The following PHF21B variants were observed in gnomAD, a reference collection of about 807,000 sequenced individuals.
PHF21B encodes the protein PHD finger protein 21B.
A neutral mutation model predicts 62.2 loss-of-function variants in PHF21B; 22 were observed. The observed-to-expected ratio is 0.35, with a 90% CI of 0.25 to 0.51. The LOEUF (loss-of-function observed/expected upper bound fraction) is 0.51, where lower values mean the gene tolerates loss of function less well. Among genes scored for constraint, PHF21B ranks in the 20% least tolerant of loss-of-function variants. The probability of loss-of-function intolerance (pLI) is 0.97; values close to 1 mark genes in which losing one functional copy is unlikely to be tolerated. For synonymous variants in PHF21B, 341 were observed against 314.7 expected (o/e 1.08, Z -0.88); for missense variants, 701 against 707.9 (o/e 0.99, Z 0.11).
At chr22:44,942,260 C>T (rs987453879) in intron 2 of PHF21B, among the ~76,000 whole-genome samples, 1 of 152,142 alleles carries the variant, frequency 6.6e-6, no homozygotes. Flanking sequence ...TCCAGGCCAC[C>T]GGGACAGTGT....
At chr22:44,934,465 T>C (rs774959926) in intron 2 of PHF21B, among the ~76,000 whole-genome samples, 9 of 152,034 alleles carry the variant, frequency 5.9e-5, no homozygotes, top group Non-Finnish European at 1.3e-4. Flanking sequence ...GACAACATCG[T>C]CCCAGGCAGA....
At chr22:44,883,470 G>C (rs1288566557) in intron 12 of PHF21B, among the ~76,000 whole-genome samples, 166 bp from the exon 13 acceptor site, 1 of 152,184 alleles carries the variant, frequency 6.6e-6, no homozygotes, top group Non-Finnish European at 1.5e-5. Flanking sequence ...TTAAAGAGCA[G>C]CCAGACCCAC....
At chr22:44,910,812 C>T (rs927143760) in intron 5 of PHF21B, among the ~76,000 whole-genome samples, 4 of 152,158 alleles carry the variant, frequency 2.6e-5, no homozygotes, top group South Asian at 2.1e-4. Flanking sequence ...TGAAAAGATA[C>T]CCCAAAATGT....
chr22:44,884,602 CCATCACCATAAT>C (rs1184430817), intron 12 of PHF21B, among the ~76,000 whole-genome samples: 1 of 151,738 alleles, frequency 6.6e-6, no homozygotes, highest in Non-Finnish European at 1.5e-5. Flanking sequence ...ATCAACACCA[CCATCACCATAAT>C]CACCACCATA....
chr22:44,981,380 C>A (rs1258302408), intron 2 of PHF21B, among the ~76,000 whole-genome samples: 1 of 152,220 alleles, frequency 6.6e-6, no homozygotes, highest in Non-Finnish European at 1.5e-5. Context: ...CACTCCCCGC[C>A]TCACTCACCA....
intron 5 of PHF21B, among the ~76,000 whole-genome samples, chr22:44,908,592 G>T (rs2071291983): frequency 6.6e-6 from 1 of 152,164 alleles, no homozygotes; most frequent in Admixed American, 6.5e-5. Context: ...ACTTTCTGGG[G>T]AGCTGCAGCG....
At chr22:44,903,363 A>T (rs137932832) in intron 5 of PHF21B, among the ~76,000 whole-genome samples, 14 of 151,542 alleles carry the variant, frequency 9.2e-5, no homozygotes, top group African/African-American at 3.4e-4. Flanking sequence ...GCCACTGCTC[A>T]TTGCACCATT....
chr22:44,936,887 C>T (rs56784658), intron 2 of PHF21B, among the ~76,000 whole-genome samples: 110,558 of 136,142 alleles, frequency 0.81, 43,951 homozygotes, highest in East Asian at 0.96. Flanking sequence ...TTTTTTTTTT[C>T]CTGAGATGGA....
intron 2 of PHF21B, among the ~76,000 whole-genome samples, chr22:44,947,748 G>A (rs1413321307): frequency 1.3e-5 from 2 of 152,210 alleles, no homozygotes; most frequent in African/African-American, 4.8e-5. Flanking sequence ...CCAAGCACAG[G>A]GCTGATGACC....
intron 2 of PHF21B, among the ~76,000 whole-genome samples, chr22:44,925,344 T>G (rs1569231834): frequency 6.6e-6 from 1 of 152,142 alleles, no homozygotes; most frequent in African/African-American, 2.4e-5. Flanking sequence ...CCTTATCTAA[T>G]CTCTCTCCAC....
intron 2 of PHF21B, among the ~76,000 whole-genome samples, chr22:44,932,048 C>A (rs1473036672): frequency 6.6e-6 from 1 of 152,204 alleles, no homozygotes; most frequent in Non-Finnish European, 1.5e-5. Context: ...AGCCTTGAGG[C>A]CTTGGAGAGG....
intron 5 of PHF21B, among the ~76,000 whole-genome samples, chr22:44,913,547 G>A (rs1176579601): frequency 6.6e-6 from 1 of 152,238 alleles, no homozygotes; most frequent in African/African-American, 2.4e-5. Context: ...CACACCACTG[G>A]AAACTGGCAG....
chr22:44,886,683 T>A (rs2147246382), intron 10 of PHF21B, among the ~76,000 whole-genome samples: 1 of 148,262 alleles, frequency 6.7e-6, no homozygotes, highest in Non-Finnish European at 1.5e-5. Flanking sequence ...CAAGACCCTG[T>A]CTACCAAAAA....
chr22:45,003,687 A>G (rs2147536780), intron 2 of PHF21B: 1 of 152,354 alleles, frequency 6.6e-6, no homozygotes, highest in Non-Finnish European at 1.5e-5. Context: ...AATATACTAG[A>G]AGGGCCCAGA....
At chr22:44,918,457 C>A (rs1455836554) in intron 3 of PHF21B, among the ~76,000 whole-genome samples, 1 of 152,202 alleles carries the variant, frequency 6.6e-6, no homozygotes, top group African/African-American at 2.4e-5. Context: ...CTTCAGGGGA[C>A]CTTGGAGCTT....
At chr22:44,945,043 C>T (rs764433389) in intron 2 of PHF21B, among the ~76,000 whole-genome samples, 11 of 134,920 alleles carry the variant, frequency 8.2e-5, no homozygotes, top group Admixed American at 1.8e-4. Context: ...GTGCTTGCGA[C>T]GGCTCACTCA....
intron 2 of PHF21B, among the ~76,000 whole-genome samples, chr22:44,984,447 C>T (rs1302967995): frequency 1.3e-5 from 2 of 152,180 alleles, no homozygotes; most frequent in Non-Finnish European, 2.9e-5. Context: ...AAGCATGTTA[C>T]ACACAGACTC....
At chr22:44,951,319 G>C (rs1236932598) in intron 2 of PHF21B, among the ~76,000 whole-genome samples, 2 of 152,176 alleles carry the variant, frequency 1.3e-5, no homozygotes, top group Non-Finnish European at 2.9e-5. Context: ...TCACAATAGG[G>C]TTCGTGTTCC....
chr22:44,914,179 A>G, intron 4 of PHF21B, 91 bp from the exon 5 acceptor site: 1 of 571,812 alleles, frequency 1.7e-6, no homozygotes, highest in African/African-American at 1.9e-5. Context: ...GGGGTTGGGG[A>G]GCACAGAGCC....
Sources: allele counts gnomAD v4.1 joint callset (sites outside exome capture counted in the v4.1 genomes callset), GRCh38; gene constraint gnomAD v4.1.1; transcripts MANE v1.5; gene names NCBI Gene and HGNC (gene_info 2026-07-23, HGNC 2026-07-21).